Variants in EPSTI1 observed in about 807,000 individuals in gnomAD.
EPSTI1 encodes epithelial-stromal interaction protein 1.
EPSTI1 carries 66 observed loss-of-function variants against 49.9 expected under a neutral mutation model. The observed-to-expected ratio is 1.32, with a 90% CI of 1.08 to 1.62. The LOEUF is 1.62. Ranked by LOEUF, EPSTI1 falls within the 40% of genes most tolerant of loss-of-function variation. The probability of loss-of-function intolerance (pLI) is 0.00; values close to 1 mark genes in which losing one functional copy is unlikely to be tolerated. For synonymous variants in EPSTI1, 137 were observed against 130.7 expected (o/e 1.05, Z -0.33); for missense variants, 394 against 365.5 (o/e 1.08, Z -0.64).
At chr13:42,944,558 T>C (rs1291268255) in intron 6 of EPSTI1, among the ~76,000 whole-genome samples, 1 of 152,056 alleles carries the variant, frequency 6.6e-6, no homozygotes, top group African/African-American at 2.4e-5. Context: ...TTAGGAGAAA[T>C]ACCTAATGTA....
intron 1 of EPSTI1, among the ~76,000 whole-genome samples, chr13:42,978,479 G>A (rs1339076775): frequency 1.3e-5 from 2 of 152,204 alleles, no homozygotes; most frequent in Non-Finnish European, 2.9e-5. Context: ...ATCTCAGTGA[G>A]CAGAGGGCTG....
Position 42,969,118 on chromosome 13 carries a change from C to G in EPSTI1, c.307G>C (p.Val103Leu). Residue 103 changes from valine (V) to leucine (L), a missense_variant, in exon 3 of 11, where the codon GTT (valine) becomes CTT (leucine). By Grantham distance (32) the Val-to-Leu change is conservative. Coordinates refer to ENST00000313624, the MANE Select transcript of EPSTI1 (RefSeq NM_033255.5). ...KWKEQNRAKP[V>L]HLVPRRLGGS... ...CCTAGCCGTCTGGGCACCAGGTGAA[C>G]CGGTTTAGCTCTGTTCTGCTCCTTC... 1.2e-6 allele frequency: 2 copies of G among 1,614,162 alleles called. No individual in the cohort carries two copies. Among genetic ancestry groups the G allele is most frequent in the South Asian group, 2.2e-5 (2 of 91,076 alleles).
intron 8 of EPSTI1, among the ~76,000 whole-genome samples, chr13:42,901,646 T>C (rs2037355702): frequency 6.6e-6 from 1 of 152,242 alleles, no homozygotes; most frequent in Non-Finnish European, 1.5e-5. Context: ...CTACCAAGTA[T>C]ACCAATGTGA....
At chr13:42,948,608 C>G (rs1000555643) in intron 6 of EPSTI1, among the ~76,000 whole-genome samples, 1 of 151,968 alleles carries the variant, frequency 6.6e-6, no homozygotes, top group African/African-American at 2.4e-5. Context: ...TCCCAAGGAG[C>G]TGGGACTACA....
intron 5 of EPSTI1, among the ~76,000 whole-genome samples, chr13:42,962,182 T>C (rs561446117): frequency 6.6e-6 from 1 of 152,240 alleles, no homozygotes; most frequent in South Asian, 2.1e-4. Flanking sequence ...CACCCCTTCT[T>C]TTGCAAGGTC....
At chr13:42,917,658 AAC>A (rs1491310876) in intron 7 of EPSTI1, 34 bp from the exon 8 acceptor site, 3 of 1,401,374 alleles carry the variant, frequency 2.1e-6, no homozygotes, top group Non-Finnish European at 2.9e-6. Flanking sequence ...AAAAAAAAAA[AAC>A]AACTTGATAG....
chr13:42,961,780 C>A (rs1473213840), intron 5 of EPSTI1, among the ~76,000 whole-genome samples: 1 of 152,150 alleles, frequency 6.6e-6, no homozygotes, highest in Non-Finnish European at 1.5e-5. Context: ...GGGGGAAGAC[C>A]AGAGACAAGG....
At chr13:42,923,528 T>C (rs1249981136) in intron 7 of EPSTI1, among the ~76,000 whole-genome samples, 1 of 152,096 alleles carries the variant, frequency 6.6e-6, no homozygotes, top group African/African-American at 2.4e-5. Flanking sequence ...GCTGCTGCAC[T>C]CCAGCCTGGG....
chr13:42,953,555 C>G (rs1199483614), intron 6 of EPSTI1, among the ~76,000 whole-genome samples: 1 of 152,168 alleles, frequency 6.6e-6, no homozygotes. Context: ...TAGAAAAAAA[C>G]ACAAGTGTAT....
At chr13:42,952,857 C>G (rs1477254677) in intron 6 of EPSTI1, among the ~76,000 whole-genome samples, 2 of 152,160 alleles carry the variant, frequency 1.3e-5, no homozygotes, top group African/African-American at 4.8e-5. Flanking sequence ...CAAGAAGGAG[C>G]TGCTTATGAT....
intron 8 of EPSTI1, among the ~76,000 whole-genome samples, chr13:42,908,959 G>C (rs898654376): frequency 6.6e-6 from 1 of 151,594 alleles, no homozygotes; most frequent in Admixed American, 6.6e-5. Context: ...TGGGTGTGGT[G>C]GTGGGCGCCT....
At chr13:42,958,083 T>C (rs149463738) in intron 5 of EPSTI1, among the ~76,000 whole-genome samples, 1 of 152,320 alleles carries the variant, frequency 6.6e-6, no homozygotes, top group Non-Finnish European at 1.5e-5. Context: ...GATTTTTCAG[T>C]TAAGAACACC....
intron 9 of EPSTI1, among the ~76,000 whole-genome samples, chr13:42,895,944 C>T (rs1462257926): frequency 1.3e-5 from 2 of 152,116 alleles, no homozygotes; most frequent in African/African-American, 4.8e-5. Flanking sequence ...GAGGCAGGAA[C>T]CAGTCACATG....
intron 10 of EPSTI1, chr13:42,889,392 C>T: frequency 1.9e-6 from 1 of 530,552 alleles, no homozygotes; most frequent in Non-Finnish European, 3.2e-6. Context: ...TATTGGGGGC[C>T]TACTGCTTAA....
intron 5 of EPSTI1, 126 bp downstream of exon 5, chr13:42,963,129 G>T: frequency 1.3e-6 from 1 of 764,140 alleles, no homozygotes; most frequent in Non-Finnish European, 2.2e-6. Flanking sequence ...GAAAAGAAGA[G>T]TGGGGAATAG....
Position 42,888,429 on chromosome 13 carries a change from G to A in EPSTI1, c.*65C>T. On this transcript the variant is annotated 3_prime_UTR_variant, in exon 11 of 11. Transcript: ENST00000313624. The stretch of plus-strand genomic sequence containing the variant: ...GTGAGGCTGAACAAAATCACATTAA[G>A]AAAAAGCATCTCATGAGGCTTTTCG... The A allele has an allele frequency of 6.2e-7, 1 of 1,614,068 alleles. No individual in the cohort carries two copies. The highest frequency in any genetic ancestry group is 2.2e-5 in the East Asian group (1 of 44,860).
At chr13:42,930,386 G>A (rs1195901382) in intron 6 of EPSTI1, among the ~76,000 whole-genome samples, 1 of 152,214 alleles carries the variant, frequency 6.6e-6, no homozygotes. Flanking sequence ...ATCTAAAGAA[G>A]TATTATTTTG....
chr13:42,947,389 T>C (rs1166133108), intron 6 of EPSTI1, among the ~76,000 whole-genome samples: 2 of 152,076 alleles, frequency 1.3e-5, no homozygotes, highest in African/African-American at 4.8e-5. Context: ...AATATGAAAA[T>C]GTCTCCTAAA....
At chr13:42,972,377 T>C in intron 1 of EPSTI1, among the ~76,000 whole-genome samples, 1 of 152,230 alleles carries the variant, frequency 6.6e-6, no homozygotes, top group East Asian at 1.9e-4. Context: ...CTGTTCTTGA[T>C]CTAGGTACCA....
Sources: gnomAD v4.1 joint callset for allele counts (sites outside exome capture counted in the v4.1 genomes callset) on GRCh38, gnomAD v4.1.1 for gene constraint, MANE v1.5 for transcripts, NCBI Gene and HGNC (gene_info 2026-07-23, HGNC 2026-07-21) for gene names.